Variants in STAG1 observed in about 807,000 individuals in gnomAD.
STAG1 encodes STAG1 cohesin complex component, also known as cohesin subunit SA-1.
In STAG1, 26 loss-of-function variants were observed where a neutral mutation model predicts 170.9. That is an observed-to-expected ratio of 0.15 (90% CI 0.11 to 0.21). The LOEUF (loss-of-function observed/expected upper bound fraction) is 0.21, where lower values mean the gene tolerates loss of function less well. STAG1 is among the 10% of genes least tolerant of loss of function. The pLI, the probability that STAG1 is intolerant of heterozygous loss-of-function variation, is 1.00. For synonymous variants in STAG1, 514 were observed against 497.7 expected (o/e 1.03, Z -0.44); for missense variants, 964 against 1,509.5 (o/e 0.64, Z 5.99).
chr3:136,393,123 A>T (rs1407466487), intron 22 of STAG1, among the ~76,000 whole-genome samples: 2 of 152,090 alleles, frequency 1.3e-5, no homozygotes, highest in African/African-American at 4.8e-5. Flanking sequence ...AAATAATACA[A>T]AATTACTTTA....
At chr3:136,454,247 TTTTG>T (rs1267121729) in intron 13 of STAG1, among the ~76,000 whole-genome samples, 1 of 151,658 alleles carries the variant, frequency 6.6e-6, no homozygotes, top group Non-Finnish European at 1.5e-5. Flanking sequence ...CCCAGCTAAT[TTTTG>T]TATTTTCTAG....
chr3:136,355,079 G>A (rs574067879), intron 28 of STAG1, among the ~76,000 whole-genome samples: 20 of 151,986 alleles, frequency 1.3e-4, no homozygotes, highest in Non-Finnish European at 2.5e-4. Context: ...CAGGCCAGGC[G>A]TGGTGGCTCA....
chr3:136,551,202 A>AGAGAGT (rs766671112), intron 5 of STAG1, among the ~76,000 whole-genome samples: 1 of 56,518 alleles, frequency 1.8e-5, no homozygotes, highest in African/African-American at 9.5e-5. Context: ...AGAGGTTGAG[A>AGAGAGT]GAGAGTGAGA....
At chr3:136,655,956 G>C (rs1188170555) in intron 1 of STAG1, among the ~76,000 whole-genome samples, 1 of 152,042 alleles carries the variant, frequency 6.6e-6, no homozygotes, top group Non-Finnish European at 1.5e-5. Context: ...ATGAGGTCTT[G>C]AAGACATATT....
In STAG1 at chr3:136,456,341, T is replaced by A. The variant is rs114178636; in HGVS notation, c.1314-4194A>T. Among the ~76,000 whole-genome samples, 1,027 of 151,972 alleles carry A rather than the reference T, an allele frequency of 6.8e-3. 17 individuals are homozygous for A. Among genetic ancestry groups the A allele is most frequent in the African/African-American group, 0.024 (995 of 41,418 alleles). ...ACAATTTTTAAAAATCAAATATACA[T>A]CCTAGAAATAAAGAATATAACTGAA... On this transcript the variant is annotated intron_variant, in intron 13 of 33. Coordinates refer to ENST00000383202, the MANE Select transcript of STAG1 (RefSeq NM_005862.3).
At chr3:136,742,226 C>G (rs1303205820) in intron 1 of STAG1, among the ~76,000 whole-genome samples, 1 of 152,146 alleles carries the variant, frequency 6.6e-6, no homozygotes, top group Non-Finnish European at 1.5e-5. Context: ...TTGATAGTTA[C>G]AGAATACTAC....
intron 6 of STAG1, among the ~76,000 whole-genome samples, chr3:136,540,773 G>A (rs1353233166): frequency 8.5e-6 from 1 of 117,514 alleles, no homozygotes; most frequent in Non-Finnish European, 1.6e-5. Context: ...AGTAAGCTGA[G>A]ACAATGCCAC....
At chr3:136,437,398 C>T (rs2088490075) in intron 15 of STAG1, among the ~76,000 whole-genome samples, 1 of 152,112 alleles carries the variant, frequency 6.6e-6, no homozygotes, top group Admixed American at 6.5e-5. Context: ...AGCAAACAAG[C>T]CTTAAGCCAC....
At chr3:136,420,308 CTG>C (rs1379010834) in intron 20 of STAG1, among the ~76,000 whole-genome samples, 2 of 141,576 alleles carry the variant, frequency 1.4e-5, no homozygotes, top group African/African-American at 5.2e-5. Context: ...CTAGAGAAAA[CTG>C]AATAAAGGAA....
chr3:136,723,666 GC>G (rs1933458002), intron 1 of STAG1, among the ~76,000 whole-genome samples: 1 of 144,068 alleles, frequency 6.9e-6, no homozygotes, highest in Non-Finnish European at 1.5e-5. Flanking sequence ...GGGGGGGTCA[GC>G]CCCCCGCCCG....
intron 1 of STAG1, among the ~76,000 whole-genome samples, chr3:136,733,084 CTTTTTT>C (rs55935142): frequency 4.7e-5 from 6 of 128,308 alleles, no homozygotes; most frequent in South Asian, 2.5e-4. Context: ...TAAAACCTAA[CTTTTTT>C]TTTTTTTTTT....
At chr3:136,349,136 T>C (rs942595738) in intron 29 of STAG1, 22 bp downstream of exon 29, 2 of 1,577,994 alleles carry the variant, frequency 1.3e-6, no homozygotes, top group African/African-American at 1.3e-5. Context: ...AATTGTTTCT[T>C]ATAGTGTAAA....
intron 9 of STAG1, among the ~76,000 whole-genome samples, chr3:136,490,507 T>C (rs757206814): frequency 6.6e-6 from 1 of 152,208 alleles, no homozygotes; most frequent in Non-Finnish European, 1.5e-5. Flanking sequence ...GCATTACGCC[T>C]TAATATTTTA....
intron 16 of STAG1, among the ~76,000 whole-genome samples, chr3:136,431,616 T>G (rs1412770092): frequency 6.6e-6 from 1 of 152,176 alleles, no homozygotes; most frequent in African/African-American, 2.4e-5. Context: ...TAGCAACACA[T>G]TCTCCAAATT....
In STAG1 at chr3:136,593,501, T is replaced by C. The variant is rs77752967; in HGVS notation, c.297+10808A>G. On this transcript the variant is annotated intron_variant, in intron 4 of 33. Transcript: ENST00000383202. Reference sequence around the variant, plus strand: ...TCCTTTTTAAATGGAAAATCCAGTTTTGAAAAACATCAACAGGTATACTTC... The same window carrying C: ...TCCTTTTTAAATGGAAAATCCAGTTCTGAAAAACATCAACAGGTATACTTC... Among the ~76,000 whole-genome samples, 509 of 152,294 alleles carry C rather than the reference T, an allele frequency of 3.3e-3. 7 individuals are homozygous for C. The East Asian group carries it at 0.047, about 14-fold the overall frequency.
At chr3:136,452,400 T>C (rs1053989812) in intron 13 of STAG1, among the ~76,000 whole-genome samples, 8 of 151,676 alleles carry the variant, frequency 5.3e-5, no homozygotes, top group Non-Finnish European at 1.0e-4. Flanking sequence ...CCGTCTCTAC[T>C]AAAAATACAA....
At chr3:136,360,492 C>A (rs1936819593) in intron 26 of STAG1, among the ~76,000 whole-genome samples, 1 of 152,148 alleles carries the variant, frequency 6.6e-6, no homozygotes. Context: ...CAGTCTCTCA[C>A]CTCCCAATCT....
intron 3 of STAG1, among the ~76,000 whole-genome samples, chr3:136,619,776 A>AAC (rs1559913564): frequency 6.6e-6 from 1 of 150,974 alleles, no homozygotes; most frequent in Non-Finnish European, 1.5e-5. Flanking sequence ...AAAAAAAAAA[A>AAC]AAAGGAGAGG....
In STAG1 at chr3:136,420,081, T is replaced by C. The variant is rs571846389; in HGVS notation, c.2108+1012A>G. On this transcript the variant is annotated intron_variant, in intron 20 of 33. Transcript: ENST00000383202. ...CTGGCCAACATGGTGAAACCATCTC[T>C]ATTAAAAATATAAAAATTAGCTGAG... Among the ~76,000 whole-genome samples the C allele has an allele frequency of 2.4e-3, 358 of 151,844 alleles. 1 individual carries two copies. The highest frequency in any genetic ancestry group is 3.7e-3 in the Non-Finnish European group (249 of 67,934).
Sources: gnomAD v4.1 joint callset for allele counts (sites outside exome capture counted in the v4.1 genomes callset) on GRCh38, gnomAD v4.1.1 for gene constraint, MANE v1.5 for transcripts, NCBI Gene and HGNC (gene_info 2026-07-23, HGNC 2026-07-21) for gene names.